Variants in DCLK1 observed in about 807,000 individuals in gnomAD.
DCLK1 encodes the protein doublecortin like kinase 1.
In DCLK1, 16 loss-of-function variants were observed where a neutral mutation model predicts 86.2. The ratio of observed to expected loss-of-function variants is 0.19; its 90% CI spans 0.13 to 0.28. The LOEUF is 0.28. Among genes scored for constraint, DCLK1 ranks in the 10% least tolerant of loss-of-function variants. DCLK1 has a pLI of 1.00. For missense variants in DCLK1, 590 were observed against 940.2 expected (o/e 0.63, Z 4.87); for synonymous variants, 369 against 370.5 (o/e 1.00, Z 0.05).
intron 4 of DCLK1, among the ~76,000 whole-genome samples, chr13:35,942,395 T>C (rs951174987): frequency 6.6e-6 from 1 of 152,164 alleles, no homozygotes; most frequent in African/African-American, 2.4e-5. Context: ...CTTGATCTCC[T>C]GACTTCGTGA....
At chr13:36,060,861 C>T (rs1883516140) in intron 3 of DCLK1, among the ~76,000 whole-genome samples, 7 of 152,096 alleles carry the variant, frequency 4.6e-5, no homozygotes, top group Admixed American at 3.9e-4. Context: ...TTATTCTGTG[C>T]CCCAACAGCC....
At chr13:35,894,355 G>A (rs780225314) in intron 4 of DCLK1, among the ~76,000 whole-genome samples, 4 of 152,308 alleles carry the variant, frequency 2.6e-5, no homozygotes, top group Non-Finnish European at 5.9e-5. Flanking sequence ...ATCTGCGCCA[G>A]AACTTGAACT....
At chr13:36,027,054 A>G (rs928729859) in intron 3 of DCLK1, among the ~76,000 whole-genome samples, 2 of 152,186 alleles carry the variant, frequency 1.3e-5, no homozygotes, top group African/African-American at 4.8e-5. Context: ...GATGGGGCTA[A>G]TATCTAAGGA....
intron 3 of DCLK1, among the ~76,000 whole-genome samples, chr13:36,041,906 A>C (rs1381490565): frequency 6.6e-6 from 1 of 152,208 alleles, no homozygotes; most frequent in Non-Finnish European, 1.5e-5. Context: ...CGAGAATACA[A>C]ATTCATTCTC....
chr13:36,101,437 G>C (rs1885214669), intron 3 of DCLK1, among the ~76,000 whole-genome samples: 1 of 152,200 alleles, frequency 6.6e-6, no homozygotes, highest in Admixed American at 6.5e-5. Flanking sequence ...GGCATTGAGA[G>C]GATGCTAATA....
intron 7 of DCLK1, among the ~76,000 whole-genome samples, chr13:35,838,742 T>C (rs1869578686): frequency 6.6e-6 from 1 of 152,220 alleles, no homozygotes; most frequent in African/African-American, 2.4e-5. Flanking sequence ...TTGGCCTTTG[T>C]TCACTTAAAG....
intron 4 of DCLK1, among the ~76,000 whole-genome samples, chr13:35,913,680 A>G (rs1400184155): frequency 1.3e-5 from 2 of 152,114 alleles, no homozygotes; most frequent in Non-Finnish European, 1.5e-5. Context: ...GAAACAGAAT[A>G]AACCGAATTC....
chr13:35,972,057 T>C (rs1456034213), intron 3 of DCLK1, among the ~76,000 whole-genome samples: 1 of 152,186 alleles, frequency 6.6e-6, no homozygotes, highest in Admixed American at 6.5e-5. Context: ...TCACACTCAT[T>C]GATTGGTGAC....
intron 3 of DCLK1, among the ~76,000 whole-genome samples, chr13:36,039,223 G>T (rs1410782841): frequency 6.6e-6 from 1 of 152,140 alleles, no homozygotes; most frequent in Non-Finnish European, 1.5e-5. Flanking sequence ...GGCTTTAAAA[G>T]AAAACTCCAG....
At chr13:36,098,508 A>G (rs1885089912) in intron 3 of DCLK1, among the ~76,000 whole-genome samples, 1 of 152,200 alleles carries the variant, frequency 6.6e-6, no homozygotes, top group Admixed American at 6.5e-5. Context: ...GCACTGAGAG[A>G]GAGAGATTTG....
intron 3 of DCLK1, among the ~76,000 whole-genome samples, chr13:36,019,206 T>C (rs1881661597): frequency 1.3e-5 from 2 of 152,202 alleles, no homozygotes; most frequent in Non-Finnish European, 2.9e-5. Flanking sequence ...TCATATTTGT[T>C]CTTTTAGTTA....
chr13:35,825,907 G>C (rs2087512257), intron 10 of DCLK1, among the ~76,000 whole-genome samples: 1 of 151,738 alleles, frequency 6.6e-6, no homozygotes, highest in African/African-American at 2.4e-5. Flanking sequence ...CCACCTCCCG[G>C]GTTCAAGCGA....
intron 8 of DCLK1, among the ~76,000 whole-genome samples, chr13:35,831,910 C>T (rs1203595532): frequency 6.6e-6 from 1 of 152,178 alleles, no homozygotes; most frequent in African/African-American, 2.4e-5. Context: ...TTGGAGACAG[C>T]TGTCTTGTTC....
intron 2 of DCLK1, among the ~76,000 whole-genome samples, chr13:36,123,460 T>G (rs1566021750): frequency 6.6e-6 from 1 of 152,198 alleles, no homozygotes; most frequent in Non-Finnish European, 1.5e-5. Context: ...CCCAAAAAAG[T>G]CATTTTTAAA....
At chr13:35,913,909 G>A (rs1875199305) in intron 4 of DCLK1, among the ~76,000 whole-genome samples, 1 of 152,126 alleles carries the variant, frequency 6.6e-6, no homozygotes, top group Non-Finnish European at 1.5e-5. Context: ...ACCTGAGCAG[G>A]GCACTGTCCA....
chr13:36,079,143 T>C (rs1361052540), intron 3 of DCLK1, among the ~76,000 whole-genome samples: 1 of 152,202 alleles, frequency 6.6e-6, no homozygotes, highest in Admixed American at 6.5e-5. Context: ...CCTAGAATGT[T>C]ACTCTGCAAG....
At chr13:36,051,368 T>C (rs1187006782) in intron 3 of DCLK1, among the ~76,000 whole-genome samples, 5 of 152,176 alleles carry the variant, frequency 3.3e-5, no homozygotes, top group South Asian at 2.1e-4. Flanking sequence ...CTTGAAAAAG[T>C]AGCCTCATAA....
intron 3 of DCLK1, among the ~76,000 whole-genome samples, chr13:36,098,345 ACAGAGCTGGTGCACTATCC>A (rs1158925167): frequency 1.3e-5 from 2 of 152,190 alleles, no homozygotes; most frequent in Non-Finnish European, 2.9e-5. Context: ...ATTTTCTGGC[ACAGAGCTGGTGCACTATCC>A]CAGAACTGAT....
intron 2 of DCLK1, among the ~76,000 whole-genome samples, chr13:36,120,218 AC>A (rs1437148767): frequency 6.6e-6 from 1 of 152,200 alleles, no homozygotes; most frequent in Non-Finnish European, 1.5e-5. Context: ...ATAAAGAATA[AC>A]ACATTTGATT....
Sources: gnomAD v4.1 joint callset for allele counts (sites outside exome capture counted in the v4.1 genomes callset) on GRCh38, gnomAD v4.1.1 for gene constraint, MANE v1.5 for transcripts, NCBI Gene and HGNC (gene_info 2026-07-23, HGNC 2026-07-21) for gene names.